The following GNB2 variants were observed in gnomAD, a reference collection of about 807,000 sequenced individuals.
GNB2 encodes G protein subunit beta 2.
A neutral mutation model predicts 40.7 loss-of-function variants in GNB2; 7 were observed. The observed-to-expected ratio is 0.17, with a 90% confidence interval of 0.10 to 0.32. The LOEUF (loss-of-function observed/expected upper bound fraction) is 0.32. GNB2 is among the 10% of genes least tolerant of loss of function. The pLI is 1.00. For synonymous variants in GNB2, 254 were observed against 191.2 expected, an observed-to-expected ratio of 1.33 and a Z score of -2.71; for missense variants, 286 against 473.0, an observed-to-expected ratio of 0.60 and a Z score of 3.67.
At position 100,678,240 on chromosome 7, in the gene GNB2, C is replaced by T; in HGVS notation, c.640C>T (p.Arg214Trp). 1 of 1,613,922 alleles carries T rather than the reference C, an allele frequency of 6.2e-7. No homozygotes were observed. Among genetic ancestry groups the T allele is most frequent in the East Asian group, 2.2e-5 (1 of 44,872 alleles). The change falls in exon 8 of 10, where the codon CGG (arginine) becomes TGG (tryptophan). Residue 214 changes from arginine (R) to tryptophan (W), a missense_variant. Transcript: ENST00000303210. ...CDASIKLWDVRDSMCRQTFIG... is the reference protein window; with the variant it reads ...CDASIKLWDVWDSMCRQTFIG... ...TGCCTCTATCAAGCTGTGGGACGTG[C>T]GGGATTCCATGTGCCGACAGACCTT... is the stretch of plus-strand genomic sequence containing the variant.
At chr7:100,676,463 C>A in intron 2 of GNB2, 72 bp from the exon 3 acceptor site, 4 of 1,390,704 alleles carry the variant, frequency 2.9e-6, no homozygotes, top group Non-Finnish European at 4.1e-6. Context: ...CTCCTGTCTT[C>A]TGTTCTCTTC....
Position 100,673,855 on chromosome 7 carries a change from C to A in GNB2, c.-158C>A. The stretch of plus-strand genomic sequence containing the variant: ...CCGCCGCCGCCGCCGCCGCCGCCTC[C>A]GCCGCGGAGGAAGACAGCGCCGCCC... On this transcript the variant is annotated 5_prime_UTR_variant, in exon 1 of 10. Transcript: ENST00000303210. 1 of 190,254 alleles carries A rather than the reference C, an allele frequency of 5.3e-6. No homozygotes were observed. The highest frequency in any genetic ancestry group is 1.5e-4 in the South Asian group (1 of 6,606). The allele number at this position is 190,254 out of a possible 1,614,324, so 11.8% of individuals were successfully genotyped here. A position where few individuals can be genotyped will look rare whatever the true frequency, so the allele number is the denominator to read the frequency against.
chr7:100,677,712 C>T (rs1425306239), intron 6 of GNB2, 40 bp from the exon 7 acceptor site: 2 of 1,612,404 alleles, frequency 1.2e-6, no homozygotes, highest in Admixed American at 3.3e-5. Context: ...GGGTGCACTG[C>T]CCTCCGTGTG....
intron 7 of GNB2, 90 bp downstream of exon 7, chr7:100,677,908 CCG>C: frequency 8.4e-7 from 1 of 1,188,726 alleles, no homozygotes; most frequent in Non-Finnish European, 1.2e-6. Context: ...GCAGCATGCA[CCG>C]TAGCCTCCCT....
rs776379882 is a variant in GNB2 at position 100,676,764 on chromosome 7, A to G, written c.168A>G (p.Ala56=). 2.7e-5 allele frequency: 43 copies of G among 1,600,148 alleles called. 1 individual carries two copies. The South Asian group carries it at 4.6e-4, about 17-fold the overall frequency. The change falls in exon 4 of 10, where the codon GCA becomes GCG. Residue 56 remains alanine (A), a synonymous_variant. Transcript: ENST00000303210. ...GGAGGACCCTCCGTGGGCACCTGGCAAAGATCTATGCCATGCACTGGGGGA... is the reference window on the plus strand; with the variant it reads ...GGAGGACCCTCCGTGGGCACCTGGCGAAGATCTATGCCATGCACTGGGGGA... The part of the protein sequence containing the change: ...RTRRTLRGHL[A]KIYAMHWGTD...
intron 1 of GNB2, 104 bp from the exon 2 acceptor site, chr7:100,676,073 C>T: frequency 2.0e-6 from 1 of 505,930 alleles, no homozygotes; most frequent in Non-Finnish European, 3.5e-6. Flanking sequence ...CGCGCCGCCC[C>T]TTCCCCCTCC....
At chr7:100,674,553 G>A (rs1391947563) in intron 1 of GNB2, among the ~76,000 whole-genome samples, 1 of 151,630 alleles carries the variant, frequency 6.6e-6, no homozygotes, top group Non-Finnish European at 1.5e-5. Flanking sequence ...AGGTCGTAGG[G>A]GCTGGAGGGC....
intron 3 of GNB2, 26 bp from the exon 4 acceptor site, chr7:100,676,667 C>T (rs748126035): frequency 2.9e-5 from 46 of 1,574,342 alleles, no homozygotes; most frequent in Middle Eastern, 1.7e-4. Flanking sequence ...TGGGCCTCCC[C>T]GAGCGCATTC....
chr7:100,676,158 T>C lies in GNB2; in HGVS notation c.-89-19T>C. On this transcript the variant is annotated intron_variant, in intron 1 of 9. Transcript: ENST00000303210. Reference sequence around the variant, plus strand: ...TTCCCCGGCGGCCTCGGGCCTGACGTCAGCCCTGCATCCCCCAGGCCTCGG... The same window carrying C: ...TTCCCCGGCGGCCTCGGGCCTGACGCCAGCCCTGCATCCCCCAGGCCTCGG... 3 of 649,976 alleles carry C rather than the reference T, an allele frequency of 4.6e-6. No homozygotes were observed. Among genetic ancestry groups the C allele is most frequent in the Non-Finnish European group, 7.9e-6 (3 of 378,236 alleles). The allele number at this position is 649,976 out of a possible 1,614,324, so 40.3% of individuals were successfully genotyped here. A position where few individuals can be genotyped will look rare whatever the true frequency, so the allele number is the denominator to read the frequency against.
intron 1 of GNB2, among the ~76,000 whole-genome samples, chr7:100,674,140 G>A (rs1044784956): frequency 6.6e-6 from 1 of 152,082 alleles, no homozygotes; most frequent in Non-Finnish European, 1.5e-5. Flanking sequence ...CGCACCATCA[G>A]CGAAGTTTTT....
chr7:100,676,325 G>A lies in GNB2; in HGVS notation c.57+3G>A, dbSNP rs201474661. ...AGCAGCTCCGGAACCAGATCCGGGT[G>A]AGGGCCTGGTGCGGGGCGGGCGATT... On this transcript the variant is annotated splice_donor_region_variant and intron_variant, in intron 2 of 9. Transcript: ENST00000303210. The A allele has an allele frequency of 2.3e-4, 365 of 1,603,386 alleles. No homozygotes were observed. The African/African-American group carries it at 4.5e-3, about 20-fold the overall frequency.
Position 100,678,937 on chromosome 7 carries a change from G to A in GNB2, c.*136G>A. The A allele has an allele frequency of 3.0e-6, 2 of 675,572 alleles. No individual in the cohort carries two copies. Among genetic ancestry groups the A allele is most frequent in the Non-Finnish European group, 2.5e-6 (1 of 392,506 alleles). 41.8% of individuals were successfully genotyped at this position (675,572 alleles called of 1,614,324 possible). ...CCTTGGGTCCCTGCCCTCCCACCCA[G>A]GTTTGGTTCCTCCCGGGGCCCCCAC... On this transcript the variant is annotated 3_prime_UTR_variant, in exon 10 of 10. Coordinates refer to ENST00000303210, the MANE Select transcript of GNB2 (RefSeq NM_005273.4).
intron 1 of GNB2, among the ~76,000 whole-genome samples, chr7:100,674,483 C>G (rs1584477865): frequency 6.6e-6 from 1 of 152,206 alleles, no homozygotes; most frequent in East Asian, 1.9e-4. Context: ...TACAGATCCT[C>G]ACCCCAAGCC....
chr7:100,676,379 C>T (rs931365536), intron 2 of GNB2, 57 bp downstream of exon 2: 5 of 1,242,938 alleles, frequency 4.0e-6, no homozygotes, highest in African/African-American at 1.5e-5. Flanking sequence ...TGCCCTGGAC[C>T]GGGTTGGGTG....
intron 6 of GNB2, 39 bp downstream of exon 6, chr7:100,677,699 G>T (rs777993708): frequency 6.2e-7 from 1 of 1,611,640 alleles, no homozygotes; most frequent in East Asian, 2.2e-5. Flanking sequence ...TTTTGGGGTT[G>T]GGGGGTGCAC....
At position 100,678,738 on chromosome 7, in the gene GNB2, C is replaced by T. The variant is rs771739184; in HGVS notation, c.960C>T (p.Val320=). Residue 320 remains valine (V), a synonymous_variant, in exon 10 of 10, where the codon GTC becomes GTT. Transcript: ENST00000303210. ...GHDNRVSCLG[V]TDDGMAVATG... The stretch of plus-strand genomic sequence containing the variant: ...ACAACCGCGTGAGCTGCCTCGGGGT[C>T]ACCGACGATGGCATGGCTGTGGCCA... The T allele has an allele frequency of 6.2e-7, 1 of 1,613,812 alleles. No homozygotes were observed. Among genetic ancestry groups the T allele is most frequent in the Non-Finnish European group, 8.5e-7 (1 of 1,179,998 alleles).
rs962496155 is a variant in GNB2, at chr7:100,679,098, T to C, written c.*297T>C. ...GTGGAAACCCCAGGGGCTGGCTTTT[T>C]TAAAACTGGTTTTATTTTAATTTTT... On this transcript the variant is annotated 3_prime_UTR_variant, in exon 10 of 10. Coordinates refer to ENST00000303210, the MANE Select transcript of GNB2 (RefSeq NM_005273.4). 2.7e-6 allele frequency: 1 copy of C among 375,366 alleles called. No homozygotes were observed. The highest frequency in any genetic ancestry group is 4.8e-6 in the Non-Finnish European group (1 of 208,658). The allele number at this position is 375,366 out of a possible 1,614,324, so 23.3% of individuals were successfully genotyped here. A position where few individuals can be genotyped will look rare whatever the true frequency, so the allele number is the denominator to read the frequency against.
intron 1 of GNB2, among the ~76,000 whole-genome samples, 161 bp downstream of exon 1, chr7:100,674,084 A>G (rs1175277863): frequency 6.6e-6 from 1 of 152,006 alleles, no homozygotes; most frequent in Non-Finnish European, 1.5e-5. Context: ...CCAAACCCGG[A>G]AGGGGAACTG....
At chr7:100,674,723 G>A (rs1011017761) in intron 1 of GNB2, among the ~76,000 whole-genome samples, 7 of 152,146 alleles carry the variant, frequency 4.6e-5, no homozygotes, top group African/African-American at 1.7e-4. Context: ...AGAGTCTGGG[G>A]GCTGCTGAGG....
Sources: gnomAD v4.1 joint callset for allele counts (sites outside exome capture counted in the v4.1 genomes callset) on GRCh38, gnomAD v4.1.1 for gene constraint, MANE v1.5 for transcripts, NCBI Gene and HGNC (gene_info 2026-07-23, HGNC 2026-07-21) for gene names.